BRD10: variants seen among roughly 807,000 people sequenced by gnomAD.
BRD10 encodes the protein bromodomain containing 10, also known as uncharacterized bromodomain-containing protein 10.
At chr9:5,978,199 G>C in the BRD10 span, among the ~76,000 whole-genome samples, 1 of 151,962 alleles carries the variant, frequency 6.6e-6, no homozygotes, top group African/African-American at 2.4e-5. Context: ...AATACTAATA[G>C]AAGCTGTGCC....
chr9:5,936,830 A>G, the BRD10 span, among the ~76,000 whole-genome samples: 1 of 152,226 alleles, frequency 6.6e-6, no homozygotes, highest in Non-Finnish European at 1.5e-5. Context: ...CATGGAAGGT[A>G]GTAATCAAAC....
chr9:5,985,790 A>AAAAT, the BRD10 span, among the ~76,000 whole-genome samples: 29,780 of 151,202 alleles, frequency 0.2, 3,153 homozygotes, highest in Middle Eastern at 0.3. Flanking sequence ...CGTCTCAAAA[A>AAAAT]AAATAAATAA....
chr9:5,884,826 T>C, the BRD10 span, among the ~76,000 whole-genome samples: 1 of 152,196 alleles, frequency 6.6e-6, no homozygotes. Flanking sequence ...TTTACCACGT[T>C]TCTGATTTAT....
chr9:5,960,060 T>A, the BRD10 span, among the ~76,000 whole-genome samples: 2 of 152,226 alleles, frequency 1.3e-5, no homozygotes. Flanking sequence ...CTTCATCCCT[T>A]GTAAAACCTT....
the BRD10 span, among the ~76,000 whole-genome samples, chr9:5,989,689 C>T: frequency 0.099 from 15,018 of 151,940 alleles, 981 homozygotes; most frequent in Admixed American, 0.16. Flanking sequence ...GCCACCACGC[C>T]TGGCTAACTT....
chr9:5,913,634 C>T, the BRD10 span, among the ~76,000 whole-genome samples: 2 of 152,302 alleles, frequency 1.3e-5, no homozygotes, highest in South Asian at 2.1e-4. Context: ...GAAGGTGATA[C>T]ACTTGCCTGT....
At chr9:5,904,227 CAT>C in the BRD10 span, among the ~76,000 whole-genome samples, 1 of 144,972 alleles carries the variant, frequency 6.9e-6, no homozygotes, top group African/African-American at 2.6e-5. Context: ...GTAGAGAACA[CAT>C]AGTTGGGTCT....
At chr9:5,892,643 C>G in the BRD10 span, 1 of 1,008,644 alleles carries the variant, frequency 9.9e-7, no homozygotes. Context: ...GCTCGTAAAT[C>G]TCCCTAGTGT....
chr9:5,969,267 C>T, the BRD10 span: 2 of 1,613,910 alleles, frequency 1.2e-6, no homozygotes, highest in South Asian at 2.2e-5. Context: ...AAGACTATTT[C>T]TGGCAAATTT....
chr9:5,983,477 A>AGAAGAAAG, the BRD10 span, among the ~76,000 whole-genome samples: 1 of 152,226 alleles, frequency 6.6e-6, no homozygotes, highest in Admixed American at 6.5e-5. Context: ...GGAGAAAAAC[A>AGAAGAAAG]ACAGAAAGAC....
chr9:5,891,633 G>A, the BRD10 span, among the ~76,000 whole-genome samples: 3 of 152,114 alleles, frequency 2.0e-5, no homozygotes, highest in African/African-American at 7.2e-5. Flanking sequence ...TTCCATTATT[G>A]GTTTTTAATG....
chr9:5,884,063 C>G, the BRD10 span, among the ~76,000 whole-genome samples: 2 of 152,160 alleles, frequency 1.3e-5, no homozygotes, highest in African/African-American at 4.8e-5. Context: ...AAAATCAGAA[C>G]CCAGAGCGCA....
At chr9:5,958,556 G>A in the BRD10 span, among the ~76,000 whole-genome samples, 16 of 152,170 alleles carry the variant, frequency 1.1e-4, no homozygotes. Context: ...GGAGGCGGAG[G>A]TGAGAGGATG....
the BRD10 span, among the ~76,000 whole-genome samples, chr9:5,978,680 C>T: frequency 6.6e-6 from 1 of 152,096 alleles, no homozygotes; most frequent in African/African-American, 2.4e-5. Flanking sequence ...ACTTAGATGA[C>T]AAAAAGCCAG....
chr9:5,893,681 T>C, the BRD10 span, among the ~76,000 whole-genome samples: 8 of 152,178 alleles, frequency 5.3e-5, no homozygotes, highest in Non-Finnish European at 8.8e-5. Context: ...AACAGACTCT[T>C]TAAAATATAC....
the BRD10 span, among the ~76,000 whole-genome samples, chr9:5,893,331 A>G: frequency 6.6e-6 from 1 of 152,046 alleles, no homozygotes; most frequent in Non-Finnish European, 1.5e-5. Context: ...TCTGCGTGGG[A>G]CTCTAACAGG....
At chr9:5,973,381 C>T in the BRD10 span, among the ~76,000 whole-genome samples, 1 of 152,146 alleles carries the variant, frequency 6.6e-6, no homozygotes, top group East Asian at 1.9e-4. Flanking sequence ...GCAGGAGAAT[C>T]GCTTGAACCT....
the BRD10 span, chr9:5,945,081 A>T: frequency 2.2e-6 from 1 of 457,518 alleles, no homozygotes; most frequent in Non-Finnish European, 3.9e-6. Context: ...AATAGTAAAA[A>T]GCAAGAAAAG....
chr9:5,978,046 T>C, the BRD10 span, among the ~76,000 whole-genome samples: 72 of 152,294 alleles, frequency 4.7e-4, no homozygotes, highest in Non-Finnish European at 9.1e-4. Context: ...TTTGCAAAAA[T>C]AACATTTGCT....
Sources: gnomAD v4.1 joint callset for allele counts (sites outside exome capture counted in the v4.1 genomes callset) on GRCh38, gnomAD v4.1.1 for gene constraint, MANE v1.5 for transcripts, NCBI Gene and HGNC (gene_info 2026-07-23, HGNC 2026-07-21) for gene names.